The following STAC variants were observed in gnomAD, a reference collection of about 807,000 sequenced individuals.
STAC encodes the protein SH3 and cysteine rich domain, also known as SH3 and cysteine-rich domain-containing protein.
STAC carries 43 observed loss-of-function variants against 48.8 expected under a neutral mutation model. That is an observed-to-expected ratio of 0.88 (90% CI 0.69 to 1.14). STAC has a LOEUF of 1.14. STAC is among the 50% of genes most tolerant of loss of function. The probability of loss-of-function intolerance (pLI) is 0.00; values close to 1 mark genes in which losing one functional copy is unlikely to be tolerated. For synonymous variants in STAC, 193 were observed against 179.5 expected, an observed-to-expected ratio of 1.07 and a Z score of -0.60; for missense variants, 497 against 504.0, an observed-to-expected ratio of 0.99 and a Z score of 0.13.
intron 1 of STAC, among the ~76,000 whole-genome samples, chr3:36,426,331 A>C (rs933892991): frequency 2.6e-5 from 4 of 152,228 alleles, no homozygotes; most frequent in Admixed American, 2.0e-4. Flanking sequence ...ATAAAAATCA[A>C]GGAAAGCATC....
intron 2 of STAC, among the ~76,000 whole-genome samples, chr3:36,481,243 G>A (rs1697638286): frequency 6.6e-6 from 1 of 152,184 alleles, no homozygotes; most frequent in Admixed American, 6.5e-5. Flanking sequence ...CTGAGATTAA[G>A]TTAAAGGTGG....
At chr3:36,391,788 A>G (rs1392599474) in intron 1 of STAC, among the ~76,000 whole-genome samples, 1 of 152,204 alleles carries the variant, frequency 6.6e-6, no homozygotes, top group Non-Finnish European at 1.5e-5. Context: ...TTGTCTGAAA[A>G]TGAAACATAT....
At chr3:36,491,085 G>A (rs1057113715) in intron 5 of STAC, among the ~76,000 whole-genome samples, 1 of 152,180 alleles carries the variant, frequency 6.6e-6, no homozygotes, top group Non-Finnish European at 1.5e-5. Context: ...TAGAAACATT[G>A]ATTGGTATTT....
chr3:36,394,496 G>A (rs1699817325), intron 1 of STAC, among the ~76,000 whole-genome samples: 1 of 152,220 alleles, frequency 6.6e-6, no homozygotes, highest in Admixed American at 6.5e-5. Context: ...TGTGGCTGCT[G>A]TATGCAGTGG....
intron 2 of STAC, among the ~76,000 whole-genome samples, chr3:36,480,758 T>C (rs934695107): frequency 3.9e-5 from 6 of 152,186 alleles, no homozygotes; most frequent in Non-Finnish European, 5.9e-5. Context: ...TTATGCATCG[T>C]TGATTAATCA....
intron 2 of STAC, among the ~76,000 whole-genome samples, chr3:36,455,959 G>A (rs1243252561): frequency 1.3e-5 from 2 of 152,086 alleles, no homozygotes; most frequent in African/African-American, 4.8e-5. Flanking sequence ...AAATGCAGAA[G>A]CATATGGCAA....
intron 1 of STAC, among the ~76,000 whole-genome samples, chr3:36,417,062 C>T (rs1431952765): frequency 2.0e-5 from 3 of 152,158 alleles, no homozygotes; most frequent in Non-Finnish European, 4.4e-5. Context: ...TATCTGCCCC[C>T]CATGGCACCA....
chr3:36,471,937 T>C (rs1267982588), intron 2 of STAC, among the ~76,000 whole-genome samples: 1 of 152,180 alleles, frequency 6.6e-6, no homozygotes, highest in Non-Finnish European at 1.5e-5. Context: ...ACAGCTCCAC[T>C]AGGCAGTGCC....
intron 10 of STAC, among the ~76,000 whole-genome samples, chr3:36,531,221 T>C (rs79074531): frequency 9.0e-4 from 137 of 152,264 alleles, no homozygotes; most frequent in African/African-American, 3.2e-3. Flanking sequence ...AGTAATTCCA[T>C]TTTCTGTAAT....
At chr3:36,410,772 G>A (rs1700177070) in intron 1 of STAC, among the ~76,000 whole-genome samples, 1 of 152,188 alleles carries the variant, frequency 6.6e-6, no homozygotes, top group South Asian at 2.1e-4. Context: ...ATCTGAGGGT[G>A]TTTGTAATTC....
intron 8 of STAC, among the ~76,000 whole-genome samples, chr3:36,511,208 AG>A (rs1698530140): frequency 6.6e-6 from 1 of 152,162 alleles, no homozygotes; most frequent in South Asian, 2.1e-4. Context: ...TGTGACCTTA[AG>A]CAATTTATAA....
intron 1 of STAC, among the ~76,000 whole-genome samples, chr3:36,399,633 C>T (rs1699961378): frequency 6.6e-6 from 1 of 152,156 alleles, no homozygotes; most frequent in African/African-American, 2.4e-5. Context: ...GCCCTGCTCT[C>T]CTAAGACAGC....
At chr3:36,451,899 T>C (rs377132337) in intron 2 of STAC, among the ~76,000 whole-genome samples, 2 of 152,192 alleles carry the variant, frequency 1.3e-5, no homozygotes, top group East Asian at 3.9e-4. Context: ...AGGGAGCAAA[T>C]TGTGATGGAT....
chr3:36,505,632 G>A (rs530370340), intron 7 of STAC, 114 bp from the exon 8 acceptor site: 40 of 679,752 alleles, frequency 5.9e-5, no homozygotes, highest in South Asian at 3.4e-4. Context: ...TAACACTTAC[G>A]ATCCATACAC....
rs769980894 is a variant in STAC, at chr3:36,493,217, C to G, written c.754C>G (p.Arg252Gly). ...AGGAGGCGGGTATGACCTAAGGAAA[C>G]GCAGCAACAGCGGTGAGTGAGGGAG... Reference protein sequence around the residue: ...GPGGGYDLRKRSNSVFTYPEN... With the variant: ...GPGGGYDLRKGSNSVFTYPEN... Residue 252 changes from arginine to glycine, a missense_variant, in exon 6 of 11, where the codon CGC becomes GGC. By Grantham distance (125) the Arg-to-Gly change is moderately radical (BLOSUM62 -2). Transcript: ENST00000273183. 2 of 1,613,126 alleles carry G rather than the reference C, an allele frequency of 1.2e-6. No individual in the cohort carries two copies. The highest frequency in any genetic ancestry group is 1.3e-5 in the African/African-American group (1 of 74,878).
intron 10 of STAC, among the ~76,000 whole-genome samples, chr3:36,537,722 T>G (rs892561878): frequency 3.3e-5 from 5 of 151,990 alleles, no homozygotes; most frequent in African/African-American, 4.8e-5. Context: ...AAATAAAAAT[T>G]TTTAAAAAGA....
At chr3:36,436,472 C>T (rs1162633916) in intron 1 of STAC, among the ~76,000 whole-genome samples, 1 of 152,182 alleles carries the variant, frequency 6.6e-6, no homozygotes, top group Non-Finnish European at 1.5e-5. Context: ...CTCTTTCTCT[C>T]CCCCATCGTT....
chr3:36,492,043 T>A lies in STAC; in HGVS notation c.688-1108T>A, dbSNP rs1338004620. On this transcript the variant is annotated intron_variant, in intron 5 of 10. Transcript: ENST00000273183. ...AAAAAAAAAAAAAAATATATATATA[T>A]ATATATATATATATATATATATATG... 5.9e-3 allele frequency among the ~76,000 whole-genome samples: 320 copies of A among 54,592 alleles called. 1 individual carries two copies. The highest frequency in any genetic ancestry group is 0.01 in the East Asian group (17 of 1,686). 35.8% of individuals were successfully genotyped at this position (54,592 alleles called of 152,430 possible).
intron 2 of STAC, among the ~76,000 whole-genome samples, chr3:36,471,158 ACTT>A: frequency 6.6e-6 from 1 of 152,304 alleles, no homozygotes; most frequent in East Asian, 1.9e-4. Flanking sequence ...GGCAAAAGGC[ACTT>A]CTTACATGGC....
Sources: gnomAD v4.1 joint callset for allele counts (sites outside exome capture counted in the v4.1 genomes callset) on GRCh38, gnomAD v4.1.1 for gene constraint, MANE v1.5 for transcripts, NCBI Gene and HGNC (gene_info 2026-07-23, HGNC 2026-07-21) for gene names.